Variants in LRRC71 observed in about 807,000 individuals in gnomAD.
LRRC71 encodes leucine rich repeat containing 71, also known as leucine-rich repeat-containing protein 71.
LRRC71 carries 54 observed loss-of-function variants against 66.6 expected under a neutral mutation model. The observed-to-expected ratio is 0.81, with a 90% confidence interval of 0.65 to 1.02. The LOEUF (loss-of-function observed/expected upper bound fraction) is 1.02, where lower values mean the gene tolerates loss of function less well. LRRC71 is among the 50% of genes least tolerant of loss of function. LRRC71 has a pLI of 0.00. For missense variants in LRRC71, 724 were observed against 718.0 expected (o/e 1.01, Z -0.10); for synonymous variants, 323 against 303.9 (o/e 1.06, Z -0.65).
At chr1:156,932,225 T>A in intron 13 of LRRC71, 198 bp downstream of exon 13, 1 of 657,780 alleles carries the variant, frequency 1.5e-6, no homozygotes, top group Non-Finnish European at 2.7e-6. Context: ...GACAGGCGAT[T>A]GGAGTAATGA....
chr1:156,934,537 ATG>A (rs763839185), downstream of LRRC71, among the ~76,000 whole-genome samples: 19 of 151,668 alleles, frequency 1.3e-4, no homozygotes, highest in Non-Finnish European at 2.2e-4. Flanking sequence ...GTGTATATAT[ATG>A]TGTGTGTGTG....
intron 9 of LRRC71, among the ~76,000 whole-genome samples, chr1:156,929,026 C>T (rs1653862837): frequency 6.6e-6 from 1 of 152,170 alleles, no homozygotes; most frequent in African/African-American, 2.4e-5. Flanking sequence ...GTTATTTTTT[C>T]CCCCTCAATA....
downstream of LRRC71, among the ~76,000 whole-genome samples, chr1:156,934,218 T>TA (rs1445484245): frequency 1.3e-5 from 2 of 152,174 alleles, no homozygotes; most frequent in Non-Finnish European, 2.9e-5. Context: ...GATGCCCAAA[T>TA]AGACTGTACC....
chr1:156,922,089 G>A (rs1440020060), intron 1 of LRRC71, among the ~76,000 whole-genome samples: 1 of 152,144 alleles, frequency 6.6e-6, no homozygotes, highest in African/African-American at 2.4e-5. Flanking sequence ...AAGGGGTGAT[G>A]CCAGCTGGAC....
In LRRC71 at chr1:156,921,712, AACACACACACACAC is replaced by A. The variant is rs34547094; in HGVS notation, c.160+787_160+800del. ...CAGGTACGAAGCCAGTTACATTCAA[AACACACACACACAC>A]ACACACACACACACACACACACACA... On this transcript the variant is annotated intron_variant, in intron 1 of 14. Coordinates refer to ENST00000337428, the MANE Select transcript of LRRC71 (RefSeq NM_144702.3). 640 of 278,554 alleles carry A rather than the reference AACACACACACACAC, an allele frequency of 2.3e-3. 2 individuals carry two copies. The highest frequency in any genetic ancestry group is 0.011 in the African/African-American group (386 of 36,724). 17.3% of individuals were successfully genotyped at this position (278,554 alleles called of 1,614,324 possible).
downstream of LRRC71, chr1:156,936,768 G>A: frequency 1.3e-6 from 2 of 1,577,180 alleles, no homozygotes; most frequent in Non-Finnish European, 1.7e-6. Context: ...CGAGTTGGCA[G>A]ACTTCTCCCC....
Position 156,931,967 on chromosome 1 carries a change from C to T in LRRC71, c.1381C>T (p.His461Tyr), listed in dbSNP as rs1477360629. The T allele has an allele frequency of 6.2e-7, 1 of 1,601,228 alleles. No homozygotes were observed. Residue 461 changes from histidine to tyrosine, a missense_variant, in exon 13 of 15, where the codon CAC (histidine) becomes TAC (tyrosine). Transcript: ENST00000337428. ...VVNPLLEPVEHRDGKVFMPGN... is the reference protein window; with the variant it reads ...VVNPLLEPVEYRDGKVFMPGN... ...CAACCCTCTCCTGGAGCCTGTGGAGCACCGAGATGGGAAAGTTTTCATGCC... is the reference window on the plus strand; with the variant it reads ...CAACCCTCTCCTGGAGCCTGTGGAGTACCGAGATGGGAAAGTTTTCATGCC...
chr1:156,925,109 C>G (rs982505577), intron 5 of LRRC71, 94 bp downstream of exon 5: 7 of 1,161,078 alleles, frequency 6.0e-6, no homozygotes, highest in Non-Finnish European at 7.5e-6. Context: ...CAGGTCCCAG[C>G]TCCTGTGGGC....
chr1:156,924,976 C>G lies in LRRC71; in HGVS notation c.554C>G (p.Thr185Ser). The change falls in exon 5 of 15, where the codon ACC becomes AGC. Residue 185 changes from threonine (T) to serine (S), a missense_variant. Thr to Ser is a moderately conservative substitution (Grantham distance 58, BLOSUM62 1). Coordinates refer to ENST00000337428, the MANE Select transcript of LRRC71 (RefSeq NM_144702.3). ...GGGCTGACCGATAAGACCCTGACCA[C>G]CTTCATCGAGCTCCTGCCTCTCTGT... Reference protein sequence around the residue: ...KVGLTDKTLTTFIELLPLCSS... With the variant: ...KVGLTDKTLTSFIELLPLCSS... 6.4e-7 allele frequency: 1 copy of G among 1,551,682 alleles called. No homozygotes were observed. Among genetic ancestry groups the G allele is most frequent in the Non-Finnish European group, 8.7e-7 (1 of 1,146,996 alleles).
Position 156,927,497 on chromosome 1 carries a change from AT to A in LRRC71, c.666del (p.Ile222MetfsTer57). On this transcript the variant is annotated frameshift_variant and splice_region_variant, in exon 7 of 15. Transcript: ENST00000337428. LOFTEE classifies it high-confidence loss of function. ...YHKLMALDST[I>X]AHLSLRNNNI... The stretch of plus-strand genomic sequence containing the variant: ...ACATTCTCCCTCCGGCTGCCCCAGG[AT>A]TGCGCACTTGTCTCTGCGGAACAAT... 1 of 1,526,820 alleles carries A rather than the reference AT, an allele frequency of 6.5e-7. No homozygotes were observed. Among genetic ancestry groups the A allele is most frequent in the Non-Finnish European group, 8.8e-7 (1 of 1,137,462 alleles). The allele number at this position is 1,526,820 out of a possible 1,614,324, so 94.6% of individuals were successfully genotyped here. A position where few individuals can be genotyped will look rare whatever the true frequency, so the allele number is the denominator to read the frequency against.
At chr1:156,936,028 G>A, downstream of LRRC71, 1 of 1,613,958 alleles carries the variant, frequency 6.2e-7, no homozygotes, top group Non-Finnish European at 8.5e-7. Flanking sequence ...GGCTGCGTCT[G>A]CTGTGCTGTC....
At chr1:156,932,652 CTG>C (rs749285758) in intron 14 of LRRC71, 107 bp downstream of exon 14, 1 of 1,610,736 alleles carries the variant, frequency 6.2e-7, no homozygotes, top group East Asian at 2.2e-5. Flanking sequence ...CAAGGAAGGT[CTG>C]TAGTTTCTCT....
chr1:156,932,284 C>T (rs894174998), intron 13 of LRRC71, 140 bp from the exon 14 acceptor site: 2 of 713,574 alleles, frequency 2.8e-6, no homozygotes, highest in African/African-American at 3.5e-5. Flanking sequence ...GAGTGAAGGG[C>T]TAGGTCAGGG....
intron 5 of LRRC71, 37 bp from the exon 6 acceptor site, chr1:156,927,165 T>G: frequency 2.5e-6 from 4 of 1,587,900 alleles, no homozygotes; most frequent in Non-Finnish European, 3.4e-6. Flanking sequence ...CTGGCCTCAG[T>G]GGTACCTTCT....
chr1:156,935,000 A>T (rs1235957181), downstream of LRRC71: 1 of 150,058 alleles, frequency 6.7e-6, no homozygotes, highest in African/African-American at 2.4e-5. Flanking sequence ...TACACCTAGC[A>T]CAGTGTGTAT....
In LRRC71 at chr1:156,924,431, G is replaced by T; in HGVS notation, c.318G>T (p.Pro106=). 1 of 1,550,464 alleles carries T rather than the reference G, an allele frequency of 6.4e-7. No individual in the cohort carries two copies. The change falls in exon 3 of 15, where the codon CCG becomes CCT. Residue 106 remains proline (P), a synonymous_variant. Transcript: ENST00000337428. ...CTCACCTCTGCCTTCCAGACGATCC[G>T]CGGCTGTCGGGGTCCTGCAGCCTCA... ...SLSEKATLDD[P]RLSGSCSLNS... is the part of the protein sequence containing the mutation.
the LRRC71 span, among the ~76,000 whole-genome samples, chr1:156,940,644 G>C: frequency 6.6e-6 from 1 of 152,164 alleles, no homozygotes; most frequent in African/African-American, 2.4e-5. Flanking sequence ...TTCTAGGGGA[G>C]GGACATACAA....
At chr1:156,929,612 C>G in intron 10 of LRRC71, 24 bp from the exon 11 acceptor site, 2 of 1,567,500 alleles carry the variant, frequency 1.3e-6, no homozygotes, top group Non-Finnish European at 1.7e-6. Flanking sequence ...GGGACTTGCC[C>G]CTCTCTTCTC....
chr1:156,936,526 A>ATATATATATATATATATATAT (rs1655356160), downstream of LRRC71, among the ~76,000 whole-genome samples: 1 of 132,376 alleles, frequency 7.6e-6, no homozygotes, highest in African/African-American at 2.9e-5. Flanking sequence ...ATATATATAT[A>ATATATATATATATATATATAT]AAATTAAAAA....
Sources: gnomAD v4.1 joint callset for allele counts (sites outside exome capture counted in the v4.1 genomes callset) on GRCh38, gnomAD v4.1.1 for gene constraint, MANE v1.5 for transcripts, NCBI Gene and HGNC (gene_info 2026-07-23, HGNC 2026-07-21) for gene names.